Variants in TEX9 observed in about 807,000 individuals in gnomAD.
TEX9 encodes the protein testis expressed 9.
In TEX9, 74 loss-of-function variants were observed where a neutral mutation model predicts 59.6. The observed-to-expected ratio is 1.24, with a 90% CI of 1.03 to 1.51. The LOEUF is 1.51. Among genes scored for constraint, TEX9 ranks in the 40% most tolerant of loss-of-function variants. The pLI is 0.00. For missense variants in TEX9, 522 were observed against 447.8 expected, an observed-to-expected ratio of 1.17 and a Z score of -1.49; for synonymous variants, 186 against 152.2, an observed-to-expected ratio of 1.22 and a Z score of -1.64.
intron 12 of TEX9, chr15:56,428,508 G>T: frequency 1.8e-6 from 2 of 1,117,822 alleles, no homozygotes; most frequent in Non-Finnish European, 1.3e-6. Flanking sequence ...TTATTGTAGT[G>T]GTTTGAATTA....
At chr15:56,333,309 C>G (rs2046193955) in intron 1 of TEX9, among the ~76,000 whole-genome samples, 1 of 151,958 alleles carries the variant, frequency 6.6e-6, no homozygotes, top group Admixed American at 6.6e-5. Flanking sequence ...TCAAAAAGAT[C>G]ATTCATCATG....
At chr15:56,269,952 G>A (rs1281492368) in intron 1 of TEX9, among the ~76,000 whole-genome samples, 7 of 152,064 alleles carry the variant, frequency 4.6e-5, no homozygotes, top group Non-Finnish European at 8.8e-5. Context: ...CACCGCGCCC[G>A]GCCCTGAGTG....
At chr15:56,438,195 A>C (rs1282988206) in intron 12 of TEX9, among the ~76,000 whole-genome samples, 7 of 152,214 alleles carry the variant, frequency 4.6e-5, no homozygotes, top group Admixed American at 4.6e-4. Flanking sequence ...TGGAGGCATC[A>C]TGCTACCTGA....
At chr15:56,388,110 G>A (rs2048044237) in intron 4 of TEX9, among the ~76,000 whole-genome samples, 1 of 151,892 alleles carries the variant, frequency 6.6e-6, no homozygotes, top group African/African-American at 2.4e-5. Flanking sequence ...TGGATTAAAA[G>A]AACAGTAACA....
intron 5 of TEX9, among the ~76,000 whole-genome samples, chr15:56,388,906 C>T (rs1175889689): frequency 6.6e-6 from 1 of 151,746 alleles, no homozygotes; most frequent in Non-Finnish European, 1.5e-5. Flanking sequence ...ATCACTCTTC[C>T]AGGTGTAGAA....
At position 56,333,527 on chromosome 15, in the gene TEX9, C is replaced by T. The variant is rs541345220; in HGVS notation, c.-106-39914C>T. On this transcript the variant is annotated intron_variant, in intron 1 of 5. Transcript: ENST00000560827. ...TGGATACAGAAGGAAAATACCTCAA[C>T]ACAATAAAAGCCATAGATGACAGAA... Among the ~76,000 whole-genome samples, 3 of 145,334 alleles carry T rather than the reference C, an allele frequency of 2.1e-5. No individual in the cohort carries two copies. The East Asian group carries it at 6.1e-4, about 30-fold the overall frequency.
intron 10 of TEX9, among the ~76,000 whole-genome samples, chr15:56,418,508 G>A (rs573949839): frequency 1.0e-3 from 151 of 150,780 alleles, no homozygotes; most frequent in Non-Finnish European, 1.7e-3. Flanking sequence ...AAAATTAGCT[G>A]GGCGTGGTGG....
chr15:56,352,679 T>G (rs1596110802), intron 1 of TEX9, among the ~76,000 whole-genome samples: 1 of 152,182 alleles, frequency 6.6e-6, no homozygotes, highest in African/African-American at 2.4e-5. Flanking sequence ...CTCTGTTATT[T>G]TCAGTATTTT....
intron 1 of TEX9, among the ~76,000 whole-genome samples, chr15:56,301,283 G>C (rs1305842636): frequency 6.6e-6 from 1 of 152,012 alleles, no homozygotes; most frequent in Non-Finnish European, 1.5e-5. Flanking sequence ...TTATGAGCCT[G>C]AAGACAGGCT....
intron 3 of TEX9, among the ~76,000 whole-genome samples, chr15:56,378,327 G>A (rs535902715): frequency 1.2e-4 from 18 of 152,132 alleles, no homozygotes; most frequent in African/African-American, 3.4e-4. Flanking sequence ...GATAGAATTC[G>A]CAGTGCAGCC....
At position 56,336,436 on chromosome 15, in the gene TEX9, A is replaced by T. The variant is rs546591750; in HGVS notation, c.-106-37005A>T. On this transcript the variant is annotated intron_variant, in intron 1 of 5. Transcript: ENST00000560827. ...TATATCTCCCAATATTTCTCTGGTA[A>T]TATCTCCCAGATTACCAAATTGGTA... Among the ~76,000 whole-genome samples, 5 of 152,250 alleles carry T rather than the reference A, an allele frequency of 3.3e-5. No homozygotes were observed. The East Asian group carries it at 7.7e-4, about 23-fold the overall frequency.
At chr15:56,275,456 T>C (rs2141422747) in intron 1 of TEX9, among the ~76,000 whole-genome samples, 1 of 152,296 alleles carries the variant, frequency 6.6e-6, no homozygotes, top group East Asian at 1.9e-4. Context: ...GAGAAGAGCC[T>C]ATGAATGGGT....
At chr15:56,337,354 A>G (rs533002508) in intron 1 of TEX9, among the ~76,000 whole-genome samples, 4 of 152,136 alleles carry the variant, frequency 2.6e-5, no homozygotes, top group Non-Finnish European at 5.9e-5. Flanking sequence ...TACTGCATGT[A>G]TTCGTCTGGC....
At chr15:56,300,214 G>A (rs1404933599) in intron 1 of TEX9, among the ~76,000 whole-genome samples, 1 of 151,948 alleles carries the variant, frequency 6.6e-6, no homozygotes, top group Non-Finnish European at 1.5e-5. Flanking sequence ...GATCATCGCA[G>A]TAGCCAGGCA....
At chr15:56,308,935 C>T (rs2045542904) in intron 1 of TEX9, among the ~76,000 whole-genome samples, 1 of 152,082 alleles carries the variant, frequency 6.6e-6, no homozygotes, top group Non-Finnish European at 1.5e-5. Context: ...CAGTACTGCA[C>T]TATCATTAGT....
the TEX9 span, among the ~76,000 whole-genome samples, chr15:56,454,846 A>C: frequency 6.6e-6 from 1 of 152,126 alleles, no homozygotes; most frequent in Non-Finnish European, 1.5e-5. Context: ...AATATTTTCC[A>C]GAACCTTTTC....
intron 10 of TEX9, among the ~76,000 whole-genome samples, chr15:56,422,664 G>A (rs1008138818): frequency 5.3e-5 from 8 of 151,656 alleles, no homozygotes; most frequent in Non-Finnish European, 1.2e-4. Flanking sequence ...ATTGTGGTAA[G>A]CTACACATAA....
intron 1 of TEX9, among the ~76,000 whole-genome samples, chr15:56,316,278 G>T (rs1252859970): frequency 2.6e-5 from 4 of 151,606 alleles, no homozygotes; most frequent in Non-Finnish European, 5.9e-5. Context: ...CCATCTTTGT[G>T]GTTTTATCTA....
upstream of TEX9, among the ~76,000 whole-genome samples, chr15:56,361,488 A>G (rs1337701691): frequency 2.0e-5 from 3 of 152,072 alleles, no homozygotes; most frequent in Non-Finnish European, 2.9e-5. Flanking sequence ...TAATTTGCAA[A>G]TATTTTGTGG....
Sources: gnomAD v4.1 joint callset for allele counts (sites outside exome capture counted in the v4.1 genomes callset) on GRCh38, gnomAD v4.1.1 for gene constraint, MANE v1.5 for transcripts, NCBI Gene and HGNC (gene_info 2026-07-23, HGNC 2026-07-21) for gene names.